Variants in ABTB2 observed in about 807,000 individuals in gnomAD.
ABTB2 encodes ankyrin repeat and BTB/POZ domain-containing protein 2.
In ABTB2, 56 loss-of-function variants were observed where a neutral mutation model predicts 104.1. The observed-to-expected ratio is 0.54, with a 90% confidence interval of 0.43 to 0.67. ABTB2 has a LOEUF of 0.67. Ranked by LOEUF, ABTB2 falls within the 30% of genes least tolerant of loss-of-function variation. The pLI, the probability that ABTB2 is intolerant of heterozygous loss-of-function variation, is 0.00. For missense variants in ABTB2, 1,279 were observed against 1,407.7 expected (o/e 0.91, Z 1.46); for synonymous variants, 606 against 608.2 (o/e 1.00, Z 0.05).
In ABTB2 at chr11:34,357,284, G is replaced by A. The variant is rs1425979047; in HGVS notation, c.300C>T (p.Thr100=). Residue 100 remains threonine, a synonymous_variant, in exon 1 of 17, where the codon ACC becomes ACT. Coordinates refer to ENST00000435224, the MANE Select transcript of ABTB2 (RefSeq NM_145804.3). ...GGAGCACCCGGGCCACGTCTCCTTC[G>A]GTCCAGGGGAACTCCTCCAGCTCGG... ...RLPELEEFPW[T]EGDVARVLRK... is the part of the protein sequence containing the mutation. 2.0e-6 allele frequency: 3 copies of A among 1,496,696 alleles called. No individual in the cohort carries two copies. The South Asian group carries it at 3.9e-5, about 19-fold the overall frequency. 92.7% of individuals were successfully genotyped at this position (1,496,696 alleles called of 1,614,324 possible).
chr11:34,248,088 A>ATTTTTTTT (rs377220875), intron 1 of ABTB2, among the ~76,000 whole-genome samples: 5 of 78,364 alleles, frequency 6.4e-5, no homozygotes, highest in African/African-American at 1.4e-4. Context: ...CTTATCTATA[A>ATTTTTTTT]TTTTTCTTAA....
At chr11:34,238,178 T>A (rs1449434746) in intron 1 of ABTB2, among the ~76,000 whole-genome samples, 1 of 152,224 alleles carries the variant, frequency 6.6e-6, no homozygotes, top group Non-Finnish European at 1.5e-5. Flanking sequence ...TTCTCAAACA[T>A]GCTAGCCACA....
At chr11:34,304,590 T>TAGGTGGATCACTTGAGCCCA (rs1178983593) in intron 1 of ABTB2, among the ~76,000 whole-genome samples, 8 of 151,916 alleles carry the variant, frequency 5.3e-5, no homozygotes, top group African/African-American at 1.9e-4. Flanking sequence ...GAAGCCAAGA[T>TAGGTGGATCACTTGAGCCCA]AGGTGGATCA....
At chr11:34,191,432 A>ATGCAGTCTGGAAGGGTG (rs1853175042) in intron 3 of ABTB2, among the ~76,000 whole-genome samples, 2 of 152,170 alleles carry the variant, frequency 1.3e-5, no homozygotes, top group Non-Finnish European at 2.9e-5. Flanking sequence ...CCAGGATCTC[A>ATGCAGTCTGGAAGGGTG]CCTGGACAAG....
At chr11:34,301,241 C>T (rs146093155) in intron 1 of ABTB2, among the ~76,000 whole-genome samples, 25 of 152,230 alleles carry the variant, frequency 1.6e-4, no homozygotes, top group African/African-American at 6.0e-4. Context: ...CCACATGCTT[C>T]TAAACAGTGC....
chr11:34,270,782 G>T (rs1854305576), intron 1 of ABTB2, among the ~76,000 whole-genome samples: 1 of 152,224 alleles, frequency 6.6e-6, no homozygotes, highest in South Asian at 2.1e-4. Flanking sequence ...GCTCTAGCCA[G>T]CTGTTGCCAG....
chr11:34,236,265 A>G (rs1853842160), intron 1 of ABTB2, among the ~76,000 whole-genome samples: 1 of 152,204 alleles, frequency 6.6e-6, no homozygotes. Flanking sequence ...AAGGTAAAAA[A>G]ATGTGTTTTG....
At chr11:34,165,789 C>T (rs937580420) in intron 7 of ABTB2, among the ~76,000 whole-genome samples, 18 of 152,222 alleles carry the variant, frequency 1.2e-4, no homozygotes, top group Admixed American at 2.6e-4. Context: ...TGAGTAACCC[C>T]GAGCAGGTAC....
Position 34,152,150 on chromosome 11 carries a change from A to AGAT in ABTB2, c.*234_*236dup, listed in dbSNP as rs1260167778. The AGAT allele has an allele frequency of 1.8e-6, 1 of 540,988 alleles. No individual in the cohort carries two copies. The highest frequency in any genetic ancestry group is 3.2e-5 in the Admixed American group (1 of 31,246). The allele number at this position is 540,988 out of a possible 1,614,324, so 33.5% of individuals were successfully genotyped here. A position where few individuals can be genotyped will look rare whatever the true frequency, so the allele number is the denominator to read the frequency against. Reference sequence around the variant, plus strand: ...ATGGCTGCCCTTGAGTTGCAAACTGAGATGGGGAGGAGGGCCACCAGTTAG... The same window carrying AGAT: ...ATGGCTGCCCTTGAGTTGCAAACTGAGATGATGGGGAGGAGGGCCACCAGTTAG... On this transcript the variant is annotated 3_prime_UTR_variant, in exon 17 of 17. Coordinates refer to ENST00000435224, the MANE Select transcript of ABTB2 (RefSeq NM_145804.3).
At chr11:34,296,461 T>C (rs1854624016) in intron 1 of ABTB2, among the ~76,000 whole-genome samples, 2 of 152,186 alleles carry the variant, frequency 1.3e-5, no homozygotes, top group African/African-American at 4.8e-5. Flanking sequence ...TCAGAGATGA[T>C]GCAGTTACTG....
chr11:34,347,500 T>C (rs1855347384), intron 1 of ABTB2, among the ~76,000 whole-genome samples: 1 of 149,988 alleles, frequency 6.7e-6, no homozygotes, highest in Non-Finnish European at 1.5e-5. Context: ...TAACTACAAA[T>C]GACTGTGTAT....
At chr11:34,335,765 C>G in intron 1 of ABTB2, 1 of 1,385,378 alleles carries the variant, frequency 7.2e-7, no homozygotes, top group Non-Finnish European at 1.0e-6. Flanking sequence ...AGGTGACAAT[C>G]AAAACCTATG....
intron 1 of ABTB2, among the ~76,000 whole-genome samples, chr11:34,349,851 G>C (rs7117611): frequency 0.066 from 10,113 of 152,198 alleles, 419 homozygotes; most frequent in East Asian, 0.18. Context: ...CTGTGATCAA[G>C]GAAGAAACTA....
chr11:34,279,858 G>A (rs1461306831), intron 1 of ABTB2, among the ~76,000 whole-genome samples: 1 of 140,122 alleles, frequency 7.1e-6, no homozygotes, highest in Non-Finnish European at 1.5e-5. Flanking sequence ...GTGCGATCTC[G>A]GCTCACTGCA....
intron 1 of ABTB2, among the ~76,000 whole-genome samples, chr11:34,223,756 A>G (rs1382359829): frequency 6.6e-6 from 1 of 152,230 alleles, no homozygotes; most frequent in Admixed American, 6.5e-5. Flanking sequence ...TCAGAGCTCC[A>G]ACACTATGTT....
intron 10 of ABTB2, 52 bp downstream of exon 10, chr11:34,162,524 G>T (rs1852736079): frequency 6.4e-7 from 1 of 1,552,110 alleles, no homozygotes; most frequent in Non-Finnish European, 8.8e-7. Context: ...GAGTGACCGT[G>T]TGTGTCCATA....
intron 1 of ABTB2, among the ~76,000 whole-genome samples, chr11:34,233,190 C>T (rs1853795070): frequency 6.8e-6 from 1 of 147,496 alleles, no homozygotes; most frequent in South Asian, 2.2e-4. Context: ...ACAATTAGGA[C>T]ACCTGGGCTT....
chr11:34,357,471 T>C lies in ABTB2; in HGVS notation c.113A>G (p.Asn38Ser), dbSNP rs909415236. Residue 38 changes from asparagine (N) to serine (S), a missense_variant, in exon 1 of 17, where the codon AAC becomes AGC. By Grantham distance (46) the Asn-to-Ser change is conservative. Coordinates refer to ENST00000435224, the MANE Select transcript of ABTB2 (RefSeq NM_145804.3). ...CGCCGAAGAGTTGAGCGCCTGCGAG[T>C]TGGACTTGGAGGACGAGAGGCTGAG... Reference protein sequence around the residue: ...RSLSLSSSKSNSQALNSSAQQ... With the variant: ...RSLSLSSSKSSSQALNSSAQQ... 3.9e-6 allele frequency: 6 copies of C among 1,546,574 alleles called. No individual in the cohort carries two copies. In the African/African-American group the frequency reaches 5.5e-5, roughly 14 times the overall value.
intron 1 of ABTB2, among the ~76,000 whole-genome samples, chr11:34,231,038 A>G (rs1315762750): frequency 2.0e-5 from 3 of 152,150 alleles, no homozygotes; most frequent in Admixed American, 1.3e-4. Flanking sequence ...GCATTCTTCA[A>G]TAAAAGGAAC....
Sources: allele counts gnomAD v4.1 joint callset (sites outside exome capture counted in the v4.1 genomes callset), GRCh38; gene constraint gnomAD v4.1.1; transcripts MANE v1.5; gene names NCBI Gene and HGNC (gene_info 2026-07-23, HGNC 2026-07-21).